DGKK: variants seen among roughly 807,000 people sequenced by gnomAD.
The protein encoded by DGKK is diacylglycerol kinase kappa, also known as 142 kDa diacylglycerol kinase.
DGKK carries 35 observed loss-of-function variants against 92.2 expected under a neutral mutation model. The ratio of observed to expected loss-of-function variants is 0.38; its 90% CI spans 0.29 to 0.50. DGKK has a LOEUF of 0.50. Ranked by LOEUF, DGKK falls within the 20% of genes least tolerant of loss-of-function variation. The pLI is 0.92. For missense variants in DGKK, 910 were observed against 992.2 expected (o/e 0.92, Z 1.11); for synonymous variants, 368 against 360.6 (o/e 1.02, Z -0.23).
intron 1 of DGKK, among the ~76,000 whole-genome samples, chrX:50,425,358 T>TAAA (rs200662307): frequency 2.0e-3 from 216 of 108,089 alleles, no homozygotes; most frequent in African/African-American, 7.0e-3. Flanking sequence ...TCTTTTTTTT[T>TAAA]AAAAAAAATT....
rs373015287 is a variant in DGKK at position 50,420,481 on chromosome X, A to G, written c.864T>C (p.Thr288=). Residue 288 remains threonine, a synonymous_variant, in exon 4 of 28, where the codon ACT becomes ACC. Transcript: ENST00000611977. ...TGTCTTTCCGGTTGGGTGCAGCCAG[A>G]GTGATTTTTCGTTGTGGTGTAATAA... ...FCVITPQRKI[T]LAAPNRKDME... 5.0e-6 allele frequency: 6 copies of G among 1,208,513 alleles called. No homozygotes were observed. Among genetic ancestry groups the G allele is most frequent in the Non-Finnish European group, 6.7e-6 (6 of 894,416 alleles).
intron 1 of DGKK, among the ~76,000 whole-genome samples, chrX:50,461,152 T>C (rs1475306398): frequency 8.9e-6 from 1 of 112,502 alleles, no homozygotes; most frequent in Non-Finnish European, 1.9e-5. Context: ...ACTTACTGCT[T>C]CACACAGCAA....
At chrX:50,371,663 G>T in intron 26 of DGKK, 61 bp downstream of exon 26, 1 of 870,600 alleles carries the variant, frequency 1.1e-6, no homozygotes, top group Admixed American at 2.6e-5. Context: ...CACACTGGAA[G>T]GGAAGGCACT....
chrX:50,383,901 A>G (rs1465616169), intron 17 of DGKK, among the ~76,000 whole-genome samples: 2 of 112,481 alleles, frequency 1.8e-5, no homozygotes, highest in Non-Finnish European at 3.7e-5. Context: ...GCAAATGCAT[A>G]TAACACTTAA....
chrX:50,395,797 CAA>C (rs35132890), intron 8 of DGKK, among the ~76,000 whole-genome samples: 2 of 81,306 alleles, frequency 2.5e-5, no homozygotes, highest in African/African-American at 4.4e-5. Context: ...AGAACATTGG[CAA>C]AAAAAAAAAA....
chrX:50,469,445 C>G (rs1443325698), intron 1 of DGKK, among the ~76,000 whole-genome samples: 7 of 112,896 alleles, frequency 6.2e-5, no homozygotes, highest in Admixed American at 4.6e-4. Context: ...TGGGCGCCGC[C>G]CATCCCCTCG....
At chrX:50,451,278 G>T (rs1213980914) in intron 1 of DGKK, among the ~76,000 whole-genome samples, 1 of 111,105 alleles carries the variant, frequency 9.0e-6, no homozygotes, top group Non-Finnish European at 1.9e-5. Context: ...CTTCTTTCAG[G>T]ACTTAAGTTT....
At chrX:50,379,043 G>T (rs782340647) in intron 20 of DGKK, among the ~76,000 whole-genome samples, 1 of 112,169 alleles carries the variant, frequency 8.9e-6, no homozygotes, top group African/African-American at 3.2e-5. Context: ...TTGGCCGGGC[G>T]CAGTGGCTCA....
At chrX:50,379,799 G>A (rs782116874) in intron 19 of DGKK, 65 bp from the exon 20 acceptor site, 1 of 1,005,596 alleles carries the variant, frequency 9.9e-7, no homozygotes, top group Non-Finnish European at 1.4e-6. Context: ...AACATTTACA[G>A]AGATGGGGAA....
At chrX:50,468,880 T>TGA (rs1265055822) in intron 1 of DGKK, among the ~76,000 whole-genome samples, 3 of 109,374 alleles carry the variant, frequency 2.7e-5, no homozygotes, top group Non-Finnish European at 5.7e-5. Context: ...TGTGTGTGTG[T>TGA]GAATGCGCGC....
chrX:50,388,351 C>T (rs1244515885), intron 13 of DGKK, among the ~76,000 whole-genome samples, 176 bp downstream of exon 13: 2 of 112,050 alleles, frequency 1.8e-5, no homozygotes, highest in African/African-American at 6.5e-5. Flanking sequence ...GACGACTTCA[C>T]CTCAATGTCA....
intron 4 of DGKK, among the ~76,000 whole-genome samples, chrX:50,415,893 G>T (rs1305682609): frequency 8.9e-6 from 1 of 111,941 alleles, no homozygotes. Context: ...ATGTTGGAAT[G>T]AGTTAAGACT....
intron 1 of DGKK, among the ~76,000 whole-genome samples, chrX:50,432,749 C>T (rs1557230421): frequency 1.8e-5 from 2 of 112,195 alleles, no homozygotes; most frequent in East Asian, 2.8e-4. Flanking sequence ...GACCATAAAG[C>T]CTAAACACCT....
chrX:50,376,044 C>T lies in DGKK; in HGVS notation c.3394G>A (p.Ala1132Thr), dbSNP rs782588606. The change falls in exon 24 of 28, where the codon GCT becomes ACT. Residue 1132 changes from alanine to threonine, a missense_variant. Ala to Thr is a moderately conservative substitution (Grantham distance 58). Transcript: ENST00000611977. ...CTTACTTCAATGGGAATACAGGAAG[C>T]TGCACCCATCTCATTGCCACTGTCT... ...GQDSGNEMGA[A>T]SCIPIETLSR... 1 of 1,211,122 alleles carries T rather than the reference C, an allele frequency of 8.3e-7. No individual in the cohort carries two copies. Among genetic ancestry groups the T allele is most frequent in the South Asian group, 1.8e-5 (1 of 56,758 alleles).
intron 1 of DGKK, among the ~76,000 whole-genome samples, chrX:50,466,125 T>A (rs1338992528): frequency 9.6e-6 from 1 of 104,458 alleles, no homozygotes; most frequent in Non-Finnish European, 1.9e-5. Context: ...ATAAGAATTG[T>A]ACTCTGAGAA....
intron 1 of DGKK, among the ~76,000 whole-genome samples, chrX:50,425,406 G>A (rs1925712817): frequency 9.1e-6 from 1 of 110,004 alleles, no homozygotes; most frequent in African/African-American, 3.3e-5. Context: ...TTCTCACATG[G>A]CAACAATCTG....
intron 7 of DGKK, 85 bp from the exon 8 acceptor site, chrX:50,401,224 G>C (rs1924997094): frequency 3.5e-6 from 3 of 849,801 alleles, no homozygotes; most frequent in Admixed American, 2.7e-5. Flanking sequence ...CCAATACCAA[G>C]ATTTAGATTC....
chrX:50,458,035 C>G, intron 1 of DGKK, among the ~76,000 whole-genome samples: 1 of 110,888 alleles, frequency 9.0e-6, no homozygotes, highest in Non-Finnish European at 1.9e-5. Context: ...TGACTTGTTT[C>G]TTTCTTTCTT....
At chrX:50,373,961 C>T (rs1309478292) in intron 25 of DGKK, among the ~76,000 whole-genome samples, 1 of 111,884 alleles carries the variant, frequency 8.9e-6, no homozygotes, top group Non-Finnish European at 1.9e-5. Flanking sequence ...CTAGTATAGG[C>T]TAGGCACTGA....
Sources: allele counts gnomAD v4.1 joint callset (sites outside exome capture counted in the v4.1 genomes callset), GRCh38; gene constraint gnomAD v4.1.1; transcripts MANE v1.5; gene names NCBI Gene and HGNC (gene_info 2026-07-23, HGNC 2026-07-21).